The following PLEKHH3 variants were observed in gnomAD, a reference collection of about 807,000 sequenced individuals.
PLEKHH3 encodes the protein pleckstrin homology, MyTH4 and FERM domain containing H3, also known as pleckstrin homology domain-containing family H member 3.
In PLEKHH3, 57 loss-of-function variants were observed where a neutral mutation model predicts 77.8. The ratio of observed to expected loss-of-function variants is 0.73; its 90% CI spans 0.59 to 0.91. PLEKHH3 has a LOEUF of 0.91. Among genes scored for constraint, PLEKHH3 ranks in the 40% least tolerant of loss-of-function variants. The pLI, the probability that PLEKHH3 is intolerant of heterozygous loss-of-function variation, is 0.00. For synonymous variants in PLEKHH3, 467 were observed against 504.8 expected, an observed-to-expected ratio of 0.93 and a Z score of 1.00; for missense variants, 1,082 against 1,091.2, an observed-to-expected ratio of 0.99 and a Z score of 0.12.
At position 42,668,191 on chromosome 17, in the gene PLEKHH3, C is replaced by T; in HGVS notation, c.2318G>A (p.Ser773Asn). 3 of 1,552,990 alleles carry T rather than the reference C, an allele frequency of 1.9e-6. No homozygotes were observed. The highest frequency in any genetic ancestry group is 1.2e-5 in the South Asian group (1 of 83,172). Residue 773 changes from serine (S) to asparagine (N), a missense_variant, in exon 13 of 13, where the codon AGC becomes AAC. Coordinates refer to ENST00000591022, the MANE Select transcript of PLEKHH3 (RefSeq NM_024927.5). ...CQDLPDTSPPSQRPGLDEPQG... is the reference protein window; with the variant it reads ...CQDLPDTSPPNQRPGLDEPQG... ...GGGCTCGTCCAGGCCCGGGCGCTGG[C>T]TGGGAGGGGAGGTGTCTGGCAGGTC...
intron 1 of PLEKHH3, among the ~76,000 whole-genome samples, chr17:42,675,518 C>G (rs1002428507): frequency 1.3e-5 from 2 of 152,328 alleles, no homozygotes; most frequent in East Asian, 1.9e-4. Flanking sequence ...CTCCCTCCCC[C>G]CTCCTCTATA....
At position 42,674,370 on chromosome 17, in the gene PLEKHH3, C is replaced by T. The variant is rs763804199; in HGVS notation, c.202G>A (p.Gly68Arg). Residue 68 changes from glycine (G) to arginine (R), a missense_variant, in exon 2 of 13, where the codon GGG (glycine) becomes AGG (arginine). Around this residue, in one of 3 missense-constraint regions of PLEKHH3, gnomAD observed 344 missense variants for 320.8 expected, o/e 1.07. Coordinates refer to ENST00000591022, the MANE Select transcript of PLEKHH3 (RefSeq NM_024927.5). ...EVTLTQPVRS[G>R]PVSNRLQSWE... ...GTAGCTCACCTGTTGGAGACAGGCC[C>T]GCTCCTCACTGGCTGAGTCAGCGTC... The T allele has an allele frequency of 2.3e-5, 37 of 1,591,190 alleles. No homozygotes were observed. In the African/African-American group the frequency reaches 4.1e-4, roughly 17 times the overall value.
rs768836752 is a variant in PLEKHH3 at position 42,670,560 on chromosome 17, C to G, written c.1554+13G>C. 1.8e-5 allele frequency: 29 copies of G among 1,601,180 alleles called. No homozygotes were observed. The highest frequency in any genetic ancestry group is 2.5e-5 in the Non-Finnish European group (29 of 1,170,652). On this transcript the variant is annotated intron_variant, in intron 10 of 12. Coordinates refer to ENST00000591022, the MANE Select transcript of PLEKHH3 (RefSeq NM_024927.5). ...GGGGTCTGTTTGGAGGCGTGAACGC[C>G]GGAGAGCCTCACCTGCTCAAAGAGG...
At chr17:42,670,886 C>T in intron 9 of PLEKHH3, 108 bp downstream of exon 9, 1 of 1,543,734 alleles carries the variant, frequency 6.5e-7, no homozygotes, top group Non-Finnish European at 8.8e-7. Flanking sequence ...CCAGCGAACA[C>T]CACAGCGCAG....
At chr17:42,673,879 A>G in intron 3 of PLEKHH3, 45 bp from the exon 4 acceptor site, 2 of 1,588,598 alleles carry the variant, frequency 1.3e-6, no homozygotes, top group East Asian at 2.4e-5. Flanking sequence ...AGAGACATTA[A>G]TCCCTAGGGG....
chr17:42,669,627 G>A lies in PLEKHH3; in HGVS notation c.2014-6C>T. 1 of 1,598,594 alleles carries A rather than the reference G, an allele frequency of 6.3e-7. No homozygotes were observed. The highest frequency in any genetic ancestry group is 1.3e-5 in the African/African-American group (1 of 74,746). ...GGAGCACCCCGACCAGGCTCCTGCA[G>A]ACAGAGAGGCAGAGTCAGGGTGGAA... On this transcript the variant is annotated splice_polypyrimidine_tract_variant and splice_region_variant and intron_variant, in intron 11 of 12. Transcript: ENST00000591022.
chr17:42,670,371 G>T lies in PLEKHH3; in HGVS notation c.1560C>A (p.His520Gln), dbSNP rs1011779959. ...GCGGCCGGCCCCGCAGCAGCAGAGC[G>T]TGAGCCTGCAGGGGAGGCACCCGGC... ...HELPFLFEQAHALLLRGRPPP... is the reference protein window; with the variant it reads ...HELPFLFEQAQALLLRGRPPP... The change falls in exon 11 of 13, where the codon CAC becomes CAA. Residue 520 changes from histidine to glutamine, a missense_variant. Physicochemically the swap from His to Gln is conservative, Grantham distance 24 (BLOSUM62 0). This residue lies in a region of PLEKHH3 where 733 missense variants were observed against 750.0 expected (regional missense o/e 0.98). Coordinates refer to ENST00000591022, the MANE Select transcript of PLEKHH3 (RefSeq NM_024927.5). The T allele has an allele frequency of 9.8e-6, 14 of 1,428,750 alleles. No individual in the cohort carries two copies. Among genetic ancestry groups the T allele is most frequent in the Non-Finnish European group, 1.3e-5 (14 of 1,101,672 alleles). 88.5% of individuals were successfully genotyped at this position (1,428,750 alleles called of 1,614,324 possible). A position where few individuals can be genotyped will look rare whatever the true frequency, so the allele number is the denominator to read the frequency against.
In PLEKHH3 at chr17:42,676,363, A is replaced by T; in HGVS notation, c.162+39T>A. On this transcript the variant is annotated intron_variant, in intron 1 of 12. Coordinates refer to ENST00000591022, the MANE Select transcript of PLEKHH3 (RefSeq NM_024927.5). The surrounding 1 kb of genome is among the most constrained non-coding windows in gnomAD (Gnocchi z 6.6). ...ATCAGCGTGACGGCCGGTTACAGCGAGAGTGATTGAGACGAGGCTCCGAAC... is the reference window on the plus strand; with the variant it reads ...ATCAGCGTGACGGCCGGTTACAGCGTGAGTGATTGAGACGAGGCTCCGAAC... 8.1e-6 allele frequency: 13 copies of T among 1,609,280 alleles called. No homozygotes were observed. The highest frequency in any genetic ancestry group is 1.1e-5 in the Non-Finnish European group (13 of 1,177,440).
chr17:42,674,013 C>A lies in PLEKHH3; in HGVS notation c.219G>T (p.Arg73Ser). The A allele has an allele frequency of 6.2e-7, 1 of 1,612,898 alleles. No homozygotes were observed. Among genetic ancestry groups the A allele is most frequent in the South Asian group, 1.1e-5 (1 of 91,032 alleles). Residue 73 changes from arginine to serine, a missense_variant and splice_region_variant, in exon 3 of 13, where the codon AGG becomes AGT. Around this residue, in one of 3 missense-constraint regions of PLEKHH3, gnomAD observed 344 missense variants for 320.8 expected, o/e 1.07. Transcript: ENST00000591022. ...TCCAAGTCTCCTCCCAGCTCTGCAG[C>A]CTGGGCCAGAGGGGAGGGAAGGTTG... ...QPVRSGPVSN[R>S]LQSWEETWSL...
rs1336036380 is a variant in PLEKHH3, at chr17:42,671,334, C to T, written c.1284+17G>A. The T allele has an allele frequency of 1.2e-6, 2 of 1,609,946 alleles. No individual in the cohort carries two copies. The highest frequency in any genetic ancestry group is 1.7e-5 in the Admixed American group (1 of 59,714). On this transcript the variant is annotated intron_variant, in intron 8 of 12. Transcript: ENST00000591022. This position sits in a 1 kb window ranked among gnomAD's most constrained non-coding sequence, Gnocchi z 4.7. ...GCAGGGTGGGTTGGAGGTCATGGGG[C>T]CTTTCTCTGGCCTCACCTCCCCCGC...
In PLEKHH3 at chr17:42,669,769, AG is replaced by A. The variant is rs2052641851; in HGVS notation, c.2013+148del. On this transcript the variant is annotated intron_variant, in intron 11 of 12. Coordinates refer to ENST00000591022, the MANE Select transcript of PLEKHH3 (RefSeq NM_024927.5). Reference sequence around the variant, plus strand: ...AGGGGGCTGAGGCTCCAGGGATGTGAGGGCCCAAGGGCTGGTGACTCCTGGG... The same window carrying A: ...AGGGGGCTGAGGCTCCAGGGATGTGAGGCCCAAGGGCTGGTGACTCCTGGG... 6 of 1,490,226 alleles carry A rather than the reference AG, an allele frequency of 4.0e-6. No individual in the cohort carries two copies. In the East Asian group the frequency reaches 1.5e-4, roughly 37 times the overall value. The allele number at this position is 1,490,226 out of a possible 1,614,324, so 92.3% of individuals were successfully genotyped here.
In PLEKHH3 at chr17:42,676,769, C is replaced by A. The variant is rs2052837580; in HGVS notation, c.-206G>T. The stretch of plus-strand genomic sequence containing the variant: ...TGAGGGGGGCTCAGTGTCTGGGCCC[C>A]CGGAGGGGGGAGGGGGAAAAGCGTC... On this transcript the variant is annotated 5_prime_UTR_variant, in exon 1 of 13. Coordinates refer to ENST00000591022, the MANE Select transcript of PLEKHH3 (RefSeq NM_024927.5). This position sits in a 1 kb window ranked among gnomAD's most constrained non-coding sequence, Gnocchi z 6.6. 2 of 606,848 alleles carry A rather than the reference C, an allele frequency of 3.3e-6. No homozygotes were observed. The highest frequency in any genetic ancestry group is 6.0e-5 in the Admixed American group (2 of 33,592). 37.6% of individuals were successfully genotyped at this position (606,848 alleles called of 1,614,324 possible).
At chr17:42,672,022 T>TACCAA (rs1464474825) in intron 7 of PLEKHH3, 64 bp downstream of exon 7, 5 of 1,357,620 alleles carry the variant, frequency 3.7e-6, no homozygotes, top group Non-Finnish European at 4.9e-6. Flanking sequence ...GCAAAAGACC[T>TACCAA]TTCATTCTCT....
chr17:42,673,473 C>G lies in PLEKHH3; in HGVS notation c.574G>C (p.Val192Leu), dbSNP rs1226899794. The part of the protein sequence containing the change: ...PRQAEAERWG[V>L]ALREVIASKA... ...GAGGCGATCACTTCCCGCAATGCCA[C>G]CCCCCAGCGCTCAGCCTCTGCCTGG... Residue 192 changes from valine (V) to leucine (L), a missense_variant, in exon 5 of 13, where the codon GTG becomes CTG. Around this residue, in one of 3 missense-constraint regions of PLEKHH3, gnomAD observed 344 missense variants for 320.8 expected, o/e 1.07. Transcript: ENST00000591022. 1.2e-6 allele frequency: 2 copies of G among 1,610,988 alleles called. No homozygotes were observed. The highest frequency in any genetic ancestry group is 2.7e-5 in the African/African-American group (2 of 74,814).
Position 42,676,090 on chromosome 17 carries a change from A to G in PLEKHH3, c.162+312T>C. 1 of 1,225,872 alleles carries G rather than the reference A, an allele frequency of 8.2e-7. No individual in the cohort carries two copies. The highest frequency in any genetic ancestry group is 1.0e-6 in the Non-Finnish European group (1 of 979,610). 75.9% of individuals were successfully genotyped at this position (1,225,872 alleles called of 1,614,324 possible). A position where few individuals can be genotyped will look rare whatever the true frequency, so the allele number is the denominator to read the frequency against. ...CCTCGGCGCTGGCGGAGGCGGAAGG[A>G]GACGGGATGGGACGCGGGCCCAGCG... On this transcript the variant is annotated intron_variant, in intron 1 of 12. Transcript: ENST00000591022. This position sits in a 1 kb window ranked among gnomAD's most constrained non-coding sequence, Gnocchi z 6.6.
intron 11 of PLEKHH3, 144 bp downstream of exon 11, chr17:42,669,774 C>A: frequency 6.6e-7 from 1 of 1,509,094 alleles, no homozygotes; most frequent in Non-Finnish European, 9.0e-7. Context: ...ATGTGAGGGC[C>A]CAAGGGCTGG....
At position 42,671,660 on chromosome 17, in the gene PLEKHH3, C is replaced by G. The variant is rs906503364; in HGVS notation, c.1077-102G>C. ...GTTTATTTTATCTAGCCGATTTCCT[C>G]CCCGCCCCAACTCAAGTTCTTTGAA... On this transcript the variant is annotated intron_variant, in intron 7 of 12. Transcript: ENST00000591022. This position sits in a 1 kb window ranked among gnomAD's most constrained non-coding sequence, Gnocchi z 4.7. 4.0e-6 allele frequency: 5 copies of G among 1,252,530 alleles called. No homozygotes were observed. The highest frequency in any genetic ancestry group is 5.5e-6 in the Non-Finnish European group (5 of 911,034). 77.6% of individuals were successfully genotyped at this position (1,252,530 alleles called of 1,614,324 possible). A position where few individuals can be genotyped will look rare whatever the true frequency, so the allele number is the denominator to read the frequency against.
At position 42,669,816 on chromosome 17, in the gene PLEKHH3, C is replaced by T. The variant is rs1345458743; in HGVS notation, c.2013+102G>A. The T allele has an allele frequency of 4.5e-6, 7 of 1,553,136 alleles. No homozygotes were observed. The South Asian group carries it at 7.1e-5, about 16-fold the overall frequency. On this transcript the variant is annotated intron_variant, in intron 11 of 12. Coordinates refer to ENST00000591022, the MANE Select transcript of PLEKHH3 (RefSeq NM_024927.5). ...CTGGGGTTTGAGATGGGTAGCTGTT[C>T]TGGATGTGGGGAATTACGTGACACT...
Position 42,672,399 on chromosome 17 carries a change from G to C in PLEKHH3, c.770-7C>G. 6.7e-7 allele frequency: 1 copy of C among 1,502,220 alleles called. No individual in the cohort carries two copies. 93.1% of individuals were successfully genotyped at this position (1,502,220 alleles called of 1,614,324 possible). A position where few individuals can be genotyped will look rare whatever the true frequency, so the allele number is the denominator to read the frequency against. ...AGGGGTGCATAGCCCGGACCTGTGG[G>C]AGGGTGGGGGCGGAGGGACGGTTTG... On this transcript the variant is annotated splice_polypyrimidine_tract_variant and splice_region_variant and intron_variant, in intron 6 of 12. Transcript: ENST00000591022.
Sources: allele counts gnomAD v4.1 joint callset (sites outside exome capture counted in the v4.1 genomes callset), GRCh38; gene constraint gnomAD v4.1.1; regional missense constraint gnomAD v4.1.1; non-coding constraint Gnocchi (gnomAD v3.1); transcripts MANE v1.5; gene names NCBI Gene and HGNC (gene_info 2026-07-23, HGNC 2026-07-21).